Variants in PLAAT1 observed in about 807,000 individuals in gnomAD.
PLAAT1 encodes H-REV107 protein-related protein.
Under a neutral mutation model 16.4 loss-of-function variants are expected in PLAAT1, and 13 were observed. That is an observed-to-expected ratio of 0.79 (90% confidence interval 0.52 to 1.26). The LOEUF (loss-of-function observed/expected upper bound fraction) is 1.26, where lower values mean the gene tolerates loss of function less well. PLAAT1 is among the 50% of genes most tolerant of loss of function. The pLI, the probability that PLAAT1 is intolerant of heterozygous loss-of-function variation, is 0.00. For synonymous variants in PLAAT1, 73 were observed against 78.4 expected, an observed-to-expected ratio of 0.93 and a Z score of 0.36; for missense variants, 218 against 207.8, an observed-to-expected ratio of 1.05 and a Z score of -0.30.
chr3:193,252,496 CTCTGTAG>C (rs1716227712), intron 1 of PLAAT1, among the ~76,000 whole-genome samples: 1 of 152,154 alleles, frequency 6.6e-6, no homozygotes, highest in South Asian at 2.1e-4. Flanking sequence ...TTTTCGCCCA[CTCTGTAG>C]TCTGTCTTTT....
At chr3:193,274,238 A>G (rs558590066), downstream of PLAAT1, among the ~76,000 whole-genome samples, 155 of 152,238 alleles carry the variant, frequency 1.0e-3, no homozygotes, top group African/African-American at 3.7e-3. Context: ...GCGAGACACC[A>G]TCTCAAAAAA....
At chr3:193,276,992 A>G (rs1717247817) in intron 2 of PLAAT1, among the ~76,000 whole-genome samples, 1 of 152,214 alleles carries the variant, frequency 6.6e-6, no homozygotes, top group South Asian at 2.1e-4. Flanking sequence ...CTCAAAGCCT[A>G]TAAATAAATG....
intron 1 of PLAAT1, among the ~76,000 whole-genome samples, chr3:193,242,600 A>T (rs896477455): frequency 5.3e-5 from 8 of 152,180 alleles, no homozygotes; most frequent in Non-Finnish European, 7.3e-5. Flanking sequence ...CGGGGGACCA[A>T]GATGGGGAGT....
At chr3:193,248,992 T>C (rs986961283) in intron 1 of PLAAT1, among the ~76,000 whole-genome samples, 2 of 152,150 alleles carry the variant, frequency 1.3e-5, no homozygotes, top group Non-Finnish European at 2.9e-5. Context: ...GCAGGTCTAG[T>C]TGTGATAAAT....
chr3:193,258,077 C>A (rs865837454), intron 2 of PLAAT1, among the ~76,000 whole-genome samples: 1 of 152,108 alleles, frequency 6.6e-6, no homozygotes, highest in Non-Finnish European at 1.5e-5. Context: ...ACCTTGTGAT[C>A]GTGTGAGTCA....
At chr3:193,242,333 A>T (rs1187280636) in intron 1 of PLAAT1, among the ~76,000 whole-genome samples, 1 of 152,120 alleles carries the variant, frequency 6.6e-6, no homozygotes, top group East Asian at 1.9e-4. Context: ...ATGGGCCATT[A>T]GATGGATGCC....
At chr3:193,248,257 CT>C (rs1445350807) in intron 1 of PLAAT1, among the ~76,000 whole-genome samples, 1 of 151,854 alleles carries the variant, frequency 6.6e-6, no homozygotes, top group African/African-American at 2.4e-5. Context: ...TGTGGAATAT[CT>C]TTTTTCATCC....
At chr3:193,274,174 C>T (rs900442135), downstream of PLAAT1, among the ~76,000 whole-genome samples, 4 of 151,964 alleles carry the variant, frequency 2.6e-5, no homozygotes, top group African/African-American at 7.3e-5. Context: ...ATCTGGGAGG[C>T]GGAGGTTGCA....
intron 3 of PLAAT1, among the ~76,000 whole-genome samples, chr3:193,269,615 A>C (rs1278040790): frequency 2.0e-5 from 3 of 152,340 alleles, no homozygotes; most frequent in Admixed American, 2.0e-4. Flanking sequence ...TCCAGCTCTT[A>C]GACTGGTTCC....
At chr3:193,276,347 A>G (rs369546853) in intron 2 of PLAAT1, among the ~76,000 whole-genome samples, 2 of 152,332 alleles carry the variant, frequency 1.3e-5, no homozygotes, top group South Asian at 2.1e-4. Flanking sequence ...TAGAATAAGC[A>G]ACGGCTTCTC....
intron 2 of PLAAT1, chr3:193,276,635 C>T: frequency 1.4e-6 from 1 of 712,632 alleles, no homozygotes; most frequent in Non-Finnish European, 2.4e-6. Flanking sequence ...TTAATAAACC[C>T]TTAATAACTG....
rs775101009 is a variant in PLAAT1 at position 193,270,613 on chromosome 3, G to A, written c.415G>A (p.Ala139Thr). The A allele has an allele frequency of 8.1e-6, 13 of 1,612,026 alleles. No individual in the cohort carries two copies. Among genetic ancestry groups the A allele is most frequent in the Non-Finnish European group, 1.1e-5 (13 of 1,178,888 alleles). ...TCTTGTTTCCTTATAGGCCAACCGA[G>A]CGATAAGTACCGTTGAGTTTGTGAC... ...GEGVSEQANR[A>T]ISTVEFVTAA... Residue 139 changes from alanine (A) to threonine (T), a missense_variant, in exon 4 of 4, where the codon GCG (alanine) becomes ACG (threonine). Coordinates refer to ENST00000264735, the MANE Select transcript of PLAAT1 (RefSeq NM_020386.5).
Position 193,255,751 on chromosome 3 carries a change from A to G in PLAAT1, c.101A>G (p.Tyr34Cys), listed in dbSNP as rs1304494806. The G allele has an allele frequency of 6.2e-7, 1 of 1,612,060 alleles. No individual in the cohort carries two copies. The highest frequency in any genetic ancestry group is 1.3e-5 in the African/African-American group (1 of 74,988). ...CCTGGCTATCAGCACTGGGCCCTGTACTTGGGTGATGGTTACGTTATCAAC... is the reference window on the plus strand; with the variant it reads ...CCTGGCTATCAGCACTGGGCCCTGTGCTTGGGTGATGGTTACGTTATCAAC... ...FRPGYQHWAL[Y>C]LGDGYVINIA... Residue 34 changes from tyrosine (Y) to cysteine (C), a missense_variant, in exon 2 of 4, where the codon TAC (tyrosine) becomes TGC (cysteine). Tyr to Cys is a radical substitution (Grantham distance 194, BLOSUM62 -2). Transcript: ENST00000264735.
intron 3 of PLAAT1, among the ~76,000 whole-genome samples, chr3:193,266,472 C>T (rs747425595): frequency 2.0e-5 from 3 of 152,072 alleles, no homozygotes; most frequent in Non-Finnish European, 4.4e-5. Flanking sequence ...AATTTTTCTT[C>T]AACAAATAGT....
chr3:193,241,129 C>A (rs1439191580), upstream of PLAAT1: 15 of 877,818 alleles, frequency 1.7e-5, no homozygotes, highest in Non-Finnish European at 2.0e-5. Flanking sequence ...GGCGGGCGGG[C>A]GGGCGGGCGG....
At chr3:193,256,431 G>C (rs1292559624) in intron 2 of PLAAT1, among the ~76,000 whole-genome samples, 4 of 152,144 alleles carry the variant, frequency 2.6e-5, no homozygotes, top group African/African-American at 9.7e-5. Context: ...GCTCTCTAGA[G>C]ATATAGTATC....
intron 1 of PLAAT1, among the ~76,000 whole-genome samples, chr3:193,245,225 G>A (rs1715934519): frequency 1.3e-5 from 2 of 151,794 alleles, no homozygotes; most frequent in Non-Finnish European, 2.9e-5. Context: ...TTAGCCTCTG[G>A]TAATGACCTC....
chr3:193,265,563 T>G (rs1716750912), intron 3 of PLAAT1, among the ~76,000 whole-genome samples: 1 of 152,054 alleles, frequency 6.6e-6, no homozygotes, highest in Admixed American at 6.6e-5. Context: ...TTGTGATTGT[T>G]GCACAAGTCT....
chr3:193,258,148 A>C (rs776693301), intron 2 of PLAAT1, among the ~76,000 whole-genome samples: 82 of 152,316 alleles, frequency 5.4e-4, no homozygotes, highest in Admixed American at 1.3e-3. Context: ...GCCCCTCTAG[A>C]GACCCCTGAA....
Sources: allele counts gnomAD v4.1 joint callset (sites outside exome capture counted in the v4.1 genomes callset), GRCh38; gene constraint gnomAD v4.1.1; transcripts MANE v1.5; gene names NCBI Gene and HGNC (gene_info 2026-07-23, HGNC 2026-07-21).